The following KCNQ5 variants were observed in gnomAD, a reference collection of about 807,000 sequenced individuals.
The protein encoded by KCNQ5 is potassium voltage-gated channel subfamily KQT member 5.
Under a neutral mutation model 98.2 loss-of-function variants are expected in KCNQ5, and 30 were observed. The observed-to-expected ratio is 0.31, with a 90% CI of 0.23 to 0.41. KCNQ5 has a LOEUF of 0.41. Among genes scored for constraint, KCNQ5 ranks in the 10% least tolerant of loss-of-function variants. KCNQ5 has a pLI of 1.00. For synonymous variants in KCNQ5, 458 were observed against 449.4 expected, an observed-to-expected ratio of 1.02 and a Z score of -0.24; for missense variants, 835 against 1,182.5, an observed-to-expected ratio of 0.71 and a Z score of 4.31.
chr6:73,197,157 A>C lies in KCNQ5; in HGVS notation c.*1743A>C, dbSNP rs16883489. On this transcript the variant is annotated 3_prime_UTR_variant, in exon 14 of 14. Coordinates refer to ENST00000370398, the MANE Select transcript of KCNQ5 (RefSeq NM_019842.4). The stretch of plus-strand genomic sequence containing the variant: ...CCCTCCCCAACAGGCTTTCTCCATC[A>C]TTGACTCTCCCCTGCTTTTCTTCTT... 6.6e-6 allele frequency: 1 copy of C among 152,076 alleles called. No individual in the cohort carries two copies. Among genetic ancestry groups the C allele is most frequent in the Non-Finnish European group, 1.5e-5 (1 of 68,038 alleles). 9.4% of individuals were successfully genotyped at this position (152,076 alleles called of 1,614,324 possible). A position where few individuals can be genotyped will look rare whatever the true frequency, so the allele number is the denominator to read the frequency against.
At chr6:72,968,225 T>G (rs1211594237) in intron 1 of KCNQ5, among the ~76,000 whole-genome samples, 1 of 152,196 alleles carries the variant, frequency 6.6e-6, no homozygotes, top group Admixed American at 6.5e-5. Context: ...CTAAGTGTTT[T>G]TGACAGAGCA....
At chr6:72,983,646 A>G (rs1356527402) in intron 1 of KCNQ5, among the ~76,000 whole-genome samples, 1 of 152,048 alleles carries the variant, frequency 6.6e-6, no homozygotes, top group Non-Finnish European at 1.5e-5. Context: ...GAATTTTGTT[A>G]TTACCAACCT....
intron 1 of KCNQ5, among the ~76,000 whole-genome samples, chr6:72,956,612 C>T (rs1252904712): frequency 6.9e-6 from 1 of 145,938 alleles, no homozygotes; most frequent in Non-Finnish European, 1.5e-5. Context: ...TGCTATGTTG[C>T]TCAGGCTGGT....
intron 5 of KCNQ5, among the ~76,000 whole-genome samples, chr6:73,082,915 G>A (rs1773837782): frequency 6.8e-6 from 1 of 147,462 alleles, no homozygotes; most frequent in South Asian, 2.2e-4. Flanking sequence ...TTTTGAGACA[G>A]GGTCTCACTC....
chr6:73,100,467 C>T (rs1774723448), intron 5 of KCNQ5, among the ~76,000 whole-genome samples: 1 of 151,886 alleles, frequency 6.6e-6, no homozygotes, highest in African/African-American at 2.4e-5. Context: ...GAGACCGAGA[C>T]CATCCTGGCT....
intron 1 of KCNQ5, among the ~76,000 whole-genome samples, chr6:72,839,953 A>G (rs1776712970): frequency 6.6e-6 from 1 of 152,104 alleles, no homozygotes. Flanking sequence ...CCAAAAATTT[A>G]TTTCTCCTGT....
At chr6:72,801,933 T>C (rs981158805) in intron 1 of KCNQ5, among the ~76,000 whole-genome samples, 4 of 152,144 alleles carry the variant, frequency 2.6e-5, no homozygotes, top group Non-Finnish European at 5.9e-5. Flanking sequence ...ATTCTTTTCT[T>C]TAAGAATGTT....
chr6:72,988,176 G>C (rs1321877961), intron 1 of KCNQ5, among the ~76,000 whole-genome samples: 1 of 152,164 alleles, frequency 6.6e-6, no homozygotes, highest in Non-Finnish European at 1.5e-5. Flanking sequence ...GCAGGTGCTA[G>C]GCACATACTA....
intron 5 of KCNQ5, among the ~76,000 whole-genome samples, chr6:73,099,031 A>G (rs571466102): frequency 6.6e-6 from 1 of 152,188 alleles, no homozygotes; most frequent in African/African-American, 2.4e-5. Context: ...ATTTTCATTA[A>G]TTTTCTTTTT....
intron 1 of KCNQ5, among the ~76,000 whole-genome samples, chr6:72,727,043 G>T (rs1472132316): frequency 1.3e-5 from 2 of 152,054 alleles, no homozygotes; most frequent in Non-Finnish European, 2.9e-5. Context: ...TAAGTCAGTT[G>T]GTTAACTACT....
At chr6:72,754,282 T>G (rs901715695) in intron 1 of KCNQ5, among the ~76,000 whole-genome samples, 1 of 152,154 alleles carries the variant, frequency 6.6e-6, no homozygotes, top group Non-Finnish European at 1.5e-5. Context: ...GACATGTTGA[T>G]TTTTATTTGT....
At chr6:72,842,556 A>G (rs1010267801) in intron 1 of KCNQ5, among the ~76,000 whole-genome samples, 2 of 151,972 alleles carry the variant, frequency 1.3e-5, no homozygotes, top group African/African-American at 2.4e-5. Flanking sequence ...CACCCATCTG[A>G]CTCTTAAATT....
At chr6:72,646,494 G>GA (rs1474617671) in intron 1 of KCNQ5, among the ~76,000 whole-genome samples, 7 of 152,048 alleles carry the variant, frequency 4.6e-5, no homozygotes, top group African/African-American at 1.7e-4. Context: ...TCTTATGTCT[G>GA]AAAAACCACA....
chr6:73,174,658 G>A (rs1347076373), intron 11 of KCNQ5, among the ~76,000 whole-genome samples: 1 of 152,142 alleles, frequency 6.6e-6, no homozygotes, highest in Non-Finnish European at 1.5e-5. Flanking sequence ...CCCTGAAGCT[G>A]CTAGGGAGAG....
At chr6:72,640,675 A>C (rs1013958356) in intron 1 of KCNQ5, 1 of 152,158 alleles carries the variant, frequency 6.6e-6, no homozygotes, top group Non-Finnish European at 1.5e-5. Context: ...ACATTTAAGT[A>C]ATAGGATTAG....
At chr6:72,689,811 C>T (rs537124515) in intron 1 of KCNQ5, among the ~76,000 whole-genome samples, 35 of 147,008 alleles carry the variant, frequency 2.4e-4, no homozygotes, top group African/African-American at 8.8e-4. Flanking sequence ...CTCAGTGCAA[C>T]AGGAAAGTGA....
chr6:73,182,143 C>G (rs1349438154), intron 11 of KCNQ5, among the ~76,000 whole-genome samples: 1 of 152,176 alleles, frequency 6.6e-6, no homozygotes, highest in Non-Finnish European at 1.5e-5. Flanking sequence ...CTTATCTAAA[C>G]CAGGGGTCAG....
chr6:73,084,149 T>A (rs767747980), intron 5 of KCNQ5, among the ~76,000 whole-genome samples: 2 of 152,166 alleles, frequency 1.3e-5, no homozygotes, highest in Non-Finnish European at 2.9e-5. Context: ...CCCATGGGAC[T>A]CAACCCTTGC....
intron 1 of KCNQ5, among the ~76,000 whole-genome samples, chr6:73,003,707 A>G (rs1264030747): frequency 6.6e-6 from 1 of 152,150 alleles, no homozygotes; most frequent in Non-Finnish European, 1.5e-5. Context: ...TTTTTCATCA[A>G]TAAAATTGCA....
Sources: allele counts gnomAD v4.1 joint callset (sites outside exome capture counted in the v4.1 genomes callset), GRCh38; gene constraint gnomAD v4.1.1; transcripts MANE v1.5; gene names NCBI Gene and HGNC (gene_info 2026-07-23, HGNC 2026-07-21).